ROBO2: variants seen among roughly 807,000 people sequenced by gnomAD.
ROBO2 encodes the protein roundabout guidance receptor 2, also known as roundabout homolog 2.
ROBO2 carries 53 observed loss-of-function variants against 160.8 expected under a neutral mutation model. The ratio of observed to expected loss-of-function variants is 0.33; its 90% CI spans 0.26 to 0.41. The LOEUF (loss-of-function observed/expected upper bound fraction) is 0.41, where lower values mean the gene tolerates loss of function less well. Ranked by LOEUF, ROBO2 falls within the 10% of genes least tolerant of loss-of-function variation. The probability of loss-of-function intolerance (pLI) is 1.00; values close to 1 mark genes in which losing one functional copy is unlikely to be tolerated. For missense variants in ROBO2, 1,577 were observed against 1,722.4 expected, an observed-to-expected ratio of 0.92 and a Z score of 1.49; for synonymous variants, 664 against 611.7, an observed-to-expected ratio of 1.09 and a Z score of -1.26.
chr3:76,254,658 A>G (rs1349255532), intron 2 of ROBO2, among the ~76,000 whole-genome samples: 1 of 151,960 alleles, frequency 6.6e-6, no homozygotes, highest in African/African-American at 2.4e-5. Context: ...TGATGCAACT[A>G]TTTAGTGATA....
At chr3:77,077,739 T>C (rs2068163539) in intron 1 of ROBO2, among the ~76,000 whole-genome samples, 1 of 152,218 alleles carries the variant, frequency 6.6e-6, no homozygotes, top group Non-Finnish European at 1.5e-5. Flanking sequence ...AGGTATGTTC[T>C]TATCCATCAA....
At chr3:77,378,339 A>T (rs2072972450) in intron 2 of ROBO2, among the ~76,000 whole-genome samples, 1 of 152,170 alleles carries the variant, frequency 6.6e-6, no homozygotes, top group Non-Finnish European at 1.5e-5. Flanking sequence ...AAGGTAGGTG[A>T]TGATGTTATC....
chr3:77,265,465 C>G (rs796563307), intron 2 of ROBO2, among the ~76,000 whole-genome samples: 7 of 152,136 alleles, frequency 4.6e-5, no homozygotes, highest in African/African-American at 1.7e-4. Context: ...GCCTGCTTTT[C>G]TTTATGAGAG....
At chr3:77,152,276 A>T (rs550368481) in intron 2 of ROBO2, among the ~76,000 whole-genome samples, 1 of 152,346 alleles carries the variant, frequency 6.6e-6, no homozygotes, top group South Asian at 2.1e-4. Flanking sequence ...TAGGTTCCAT[A>T]GTAAAGAGGA....
exon 26 of ROBO2, chr3:77,647,028 TC>T (rs2095417149): frequency 6.6e-6 from 1 of 152,388 alleles, no homozygotes; most frequent in Non-Finnish European, 1.5e-5. Flanking sequence ...AATATGAAGT[TC>T]CCCAAGGAAA....
intron 2 of ROBO2, among the ~76,000 whole-genome samples, chr3:76,853,751 C>T (rs2069679595): frequency 1.3e-5 from 2 of 152,048 alleles, no homozygotes; most frequent in Admixed American, 6.5e-5. Context: ...TAAATATTGT[C>T]GTTTGTTCTG....
At chr3:77,416,796 G>A (rs2077272479) in intron 2 of ROBO2, among the ~76,000 whole-genome samples, 1 of 151,816 alleles carries the variant, frequency 6.6e-6, no homozygotes. Flanking sequence ...GTTGAAAGGA[G>A]GGAGTACATC....
chr3:76,618,752 G>A (rs1338185457), intron 2 of ROBO2, among the ~76,000 whole-genome samples: 7 of 151,608 alleles, frequency 4.6e-5, no homozygotes, highest in Non-Finnish European at 1.0e-4. Context: ...ACAATTGACG[G>A]ATCCTGATAA....
chr3:77,441,816 C>CA (rs2079947304), intron 2 of ROBO2, among the ~76,000 whole-genome samples: 1 of 152,156 alleles, frequency 6.6e-6, no homozygotes. Flanking sequence ...ATGTGACTGT[C>CA]AGCGATTCTC....
At chr3:77,429,555 G>T (rs1031773256) in intron 2 of ROBO2, among the ~76,000 whole-genome samples, 1 of 151,702 alleles carries the variant, frequency 6.6e-6, no homozygotes, top group African/African-American at 2.4e-5. Flanking sequence ...TATGTCCATG[G>T]ATCTTTGGGT....
intron 2 of ROBO2, among the ~76,000 whole-genome samples, chr3:76,496,148 AT>A (rs2107586282): frequency 6.6e-6 from 1 of 152,306 alleles, no homozygotes; most frequent in East Asian, 1.9e-4. Context: ...AGTTAAATAG[AT>A]TCATCTATAA....
chr3:76,374,327 C>A (rs994891925), intron 2 of ROBO2, among the ~76,000 whole-genome samples: 2 of 151,920 alleles, frequency 1.3e-5, no homozygotes, highest in Admixed American at 6.6e-5. Context: ...CCTTTTTCTG[C>A]CTGGGATCTG....
At chr3:76,426,233 A>C (rs1197020987) in intron 2 of ROBO2, among the ~76,000 whole-genome samples, 3 of 152,184 alleles carry the variant, frequency 2.0e-5, no homozygotes, top group African/African-American at 7.2e-5. Context: ...GACTAGTACC[A>C]CTTTGACAGC....
intron 2 of ROBO2, among the ~76,000 whole-genome samples, chr3:77,169,054 C>T (rs1265868370): frequency 2.0e-5 from 3 of 152,172 alleles, no homozygotes; most frequent in Non-Finnish European, 2.9e-5. Context: ...AGGACTTTCC[C>T]TCTCCACTTG....
chr3:77,365,873 T>C (rs966573014), intron 2 of ROBO2, among the ~76,000 whole-genome samples: 4 of 152,282 alleles, frequency 2.6e-5, no homozygotes, highest in Non-Finnish European at 5.9e-5. Flanking sequence ...TGTATTTCAC[T>C]GAAGAGGAGA....
intron 2 of ROBO2, among the ~76,000 whole-genome samples, chr3:77,190,834 A>G (rs1430282524): frequency 1.3e-5 from 2 of 152,170 alleles, no homozygotes; most frequent in African/African-American, 4.8e-5. Context: ...ATGGTAGTAA[A>G]TTTGTGTTCT....
intron 2 of ROBO2, among the ~76,000 whole-genome samples, chr3:76,374,279 C>T (rs1282439000): frequency 2.0e-5 from 3 of 151,936 alleles, no homozygotes; most frequent in Admixed American, 6.6e-5. Flanking sequence ...TCTGAAATCT[C>T]CTCTCTGTGA....
chr3:77,119,756 A>G (rs1291619206), intron 2 of ROBO2, among the ~76,000 whole-genome samples: 12 of 152,246 alleles, frequency 7.9e-5, no homozygotes, highest in Admixed American at 7.8e-4. Flanking sequence ...CAAGAAAGAA[A>G]GAAAATACAT....
intron 2 of ROBO2, among the ~76,000 whole-genome samples, chr3:76,948,901 TATATA>T (rs1205743846): frequency 6.4e-5 from 2 of 31,088 alleles, no homozygotes; most frequent in Non-Finnish European, 1.1e-4. Flanking sequence ...TATATATATA[TATATA>T]TATTTTTTTT....
Sources: gnomAD v4.1 joint callset for allele counts (sites outside exome capture counted in the v4.1 genomes callset) on GRCh38, gnomAD v4.1.1 for gene constraint, MANE v1.5 for transcripts, NCBI Gene and HGNC (gene_info 2026-07-23, HGNC 2026-07-21) for gene names.